The following CCSER1 variants were observed in gnomAD, a reference collection of about 807,000 sequenced individuals.
CCSER1 encodes the protein coiled-coil serine rich protein 1.
A neutral mutation model predicts 82.0 loss-of-function variants in CCSER1; 41 were observed. That is an observed-to-expected ratio of 0.50 (90% CI 0.39 to 0.65). CCSER1 has a LOEUF of 0.65. CCSER1 is among the 30% of genes least tolerant of loss of function. The probability of loss-of-function intolerance (pLI) is 0.00; values close to 1 mark genes in which losing one functional copy is unlikely to be tolerated. For synonymous variants in CCSER1, 414 were observed against 383.9 expected, an observed-to-expected ratio of 1.08 and a Z score of -0.92; for missense variants, 1,119 against 1,064.2, an observed-to-expected ratio of 1.05 and a Z score of -0.72.
intron 3 of CCSER1, among the ~76,000 whole-genome samples, chr4:90,368,763 A>G (rs1746772681): frequency 6.6e-6 from 1 of 151,620 alleles, no homozygotes; most frequent in Non-Finnish European, 1.5e-5. Context: ...GCATCATATA[A>G]ATACGCACAC....
At chr4:91,303,518 G>T (rs1054673106) in intron 10 of CCSER1, among the ~76,000 whole-genome samples, 2 of 152,004 alleles carry the variant, frequency 1.3e-5, no homozygotes, top group Non-Finnish European at 2.9e-5. Flanking sequence ...AGGCACAGTT[G>T]TTCACACTTG....
intron 6 of CCSER1, chr4:90,649,464 CAGT>C (rs1482878914): frequency 6.6e-6 from 1 of 151,976 alleles, no homozygotes; most frequent in Non-Finnish European, 1.5e-5. Flanking sequence ...GGCCCTGAAT[CAGT>C]AGGGTGGGTG....
chr4:90,294,163 C>T (rs11947703), intron 1 of CCSER1, among the ~76,000 whole-genome samples: 10,469 of 151,946 alleles, frequency 0.069, 1,030 homozygotes, highest in African/African-American at 0.22. Flanking sequence ...ACAGATACCA[C>T]TTGGATTGAA....
chr4:90,659,650 A>C (rs1473646446), intron 6 of CCSER1, among the ~76,000 whole-genome samples: 1 of 152,134 alleles, frequency 6.6e-6, no homozygotes, highest in Non-Finnish European at 1.5e-5. Flanking sequence ...CCAACATTGC[A>C]TAATGAATAT....
chr4:90,663,215 A>C (rs1048869306), intron 6 of CCSER1, among the ~76,000 whole-genome samples: 3 of 152,196 alleles, frequency 2.0e-5, no homozygotes, highest in Admixed American at 6.5e-5. Flanking sequence ...CACACTTGGA[A>C]ATTTTCTATA....
At chr4:91,368,544 A>G (rs570985367) in intron 10 of CCSER1, among the ~76,000 whole-genome samples, 3 of 152,254 alleles carry the variant, frequency 2.0e-5, no homozygotes, top group East Asian at 1.9e-4. Flanking sequence ...CTAAAAACAT[A>G]TAAGAGATAT....
intron 10 of CCSER1, among the ~76,000 whole-genome samples, chr4:91,274,439 G>T (rs114697128): frequency 6.6e-6 from 1 of 152,068 alleles, no homozygotes; most frequent in African/African-American, 2.4e-5. Flanking sequence ...CTTTCTAACT[G>T]TATGTTTATA....
At chr4:91,563,935 A>G (rs1263418025) in intron 10 of CCSER1, among the ~76,000 whole-genome samples, 1 of 151,830 alleles carries the variant, frequency 6.6e-6, no homozygotes, top group East Asian at 1.9e-4. Context: ...GGTTTGTTTC[A>G]TAGGTAAACA....
intron 8 of CCSER1, among the ~76,000 whole-genome samples, chr4:90,856,826 T>C (rs1187456890): frequency 6.6e-6 from 1 of 152,084 alleles, no homozygotes; most frequent in East Asian, 1.9e-4. Context: ...ATGTATAAAA[T>C]GCCATAATAT....
At chr4:90,242,251 G>A (rs1254591685) in intron 1 of CCSER1, among the ~76,000 whole-genome samples, 1 of 152,214 alleles carries the variant, frequency 6.6e-6, no homozygotes, top group East Asian at 1.9e-4. Flanking sequence ...AGCTTGCAGT[G>A]AGCCGAGATT....
intron 9 of CCSER1, among the ~76,000 whole-genome samples, chr4:91,039,721 C>G (rs1056097912): frequency 6.6e-6 from 1 of 151,354 alleles, no homozygotes; most frequent in Non-Finnish European, 1.5e-5. Flanking sequence ...GAGTATCTTT[C>G]TGTAAAAAAT....
At chr4:90,160,656 G>A (rs775944561) in intron 1 of CCSER1, among the ~76,000 whole-genome samples, 2 of 152,138 alleles carry the variant, frequency 1.3e-5, no homozygotes, top group Non-Finnish European at 2.9e-5. Context: ...ATTTATATTT[G>A]GAGAGAGATT....
At chr4:90,877,658 C>T (rs1246777507) in intron 8 of CCSER1, among the ~76,000 whole-genome samples, 1 of 149,034 alleles carries the variant, frequency 6.7e-6, no homozygotes, top group Non-Finnish European at 1.5e-5. Context: ...GCTAAATATA[C>T]CCAGATGCAT....
intron 10 of CCSER1, among the ~76,000 whole-genome samples, chr4:91,175,720 A>G (rs1261896224): frequency 1.3e-5 from 2 of 152,140 alleles, no homozygotes; most frequent in African/African-American, 2.4e-5. Context: ...GATTCTGGAT[A>G]TTAGCCCTTT....
intron 10 of CCSER1, among the ~76,000 whole-genome samples, chr4:91,125,250 G>A: frequency 6.6e-6 from 1 of 151,528 alleles, no homozygotes; most frequent in East Asian, 1.9e-4. Context: ...TATATATGGG[G>A]AATAAATTCT....
chr4:91,027,628 G>A lies in CCSER1; in HGVS notation c.2173-58322G>A, dbSNP rs146423597. Reference sequence around the variant, plus strand: ...TTACCCTGAAGGTGAGATAAGCTTCGGTAGCAATGTTGTGGCATTTATAAC... The same window carrying A: ...TTACCCTGAAGGTGAGATAAGCTTCAGTAGCAATGTTGTGGCATTTATAAC... On this transcript the variant is annotated intron_variant, in intron 9 of 10. Coordinates refer to ENST00000509176, the MANE Select transcript of CCSER1 (RefSeq NM_001145065.2). Among the ~76,000 whole-genome samples the A allele has an allele frequency of 1.1e-4, 16 of 151,694 alleles. No homozygotes were observed. In the East Asian group the frequency reaches 1.9e-3, roughly 18 times the overall value.
intron 10 of CCSER1, among the ~76,000 whole-genome samples, chr4:91,361,082 G>A (rs1325746191): frequency 4.2e-5 from 6 of 143,322 alleles, no homozygotes; most frequent in African/African-American, 7.4e-5. Flanking sequence ...TTATCACAGA[G>A]GGGGAGGAAA....
At chr4:90,425,708 C>T (rs1031659176) in intron 4 of CCSER1, among the ~76,000 whole-genome samples, 4 of 152,150 alleles carry the variant, frequency 2.6e-5, no homozygotes, top group Admixed American at 6.5e-5. Context: ...TGATCATTAA[C>T]CTATTTAAAA....
At chr4:90,855,219 A>G (rs1382333391) in intron 8 of CCSER1, among the ~76,000 whole-genome samples, 2 of 152,108 alleles carry the variant, frequency 1.3e-5, no homozygotes, top group Non-Finnish European at 2.9e-5. Flanking sequence ...ATCCAAATAG[A>G]TGACTACATT....
Sources: gnomAD v4.1 joint callset for allele counts (sites outside exome capture counted in the v4.1 genomes callset) on GRCh38, gnomAD v4.1.1 for gene constraint, MANE v1.5 for transcripts, NCBI Gene and HGNC (gene_info 2026-07-23, HGNC 2026-07-21) for gene names.